SPIDR: variants seen among roughly 807,000 people sequenced by gnomAD.
SPIDR encodes DNA repair-scaffolding protein.
SPIDR carries 93 observed loss-of-function variants against 104.6 expected under a neutral mutation model. The observed-to-expected ratio is 0.89, with a 90% CI of 0.75 to 1.06. The LOEUF is 1.06. Ranked by LOEUF, SPIDR falls within the 50% of genes least tolerant of loss-of-function variation. The pLI is 0.00. For missense variants in SPIDR, 1,154 were observed against 1,111.2 expected, an observed-to-expected ratio of 1.04 and a Z score of -0.55; for synonymous variants, 431 against 416.9, an observed-to-expected ratio of 1.03 and a Z score of -0.41.
intron 8 of SPIDR, among the ~76,000 whole-genome samples, chr8:47,459,976 T>G (rs1365610422): frequency 1.3e-5 from 2 of 152,222 alleles, no homozygotes; most frequent in Non-Finnish European, 2.9e-5. Context: ...ATTTCCATTT[T>G]TATTCCACTG....
chr8:47,536,085 T>TAA (rs1052953214), intron 8 of SPIDR, among the ~76,000 whole-genome samples: 85 of 86,722 alleles, frequency 9.8e-4, no homozygotes, highest in African/African-American at 2.2e-3. Context: ...AGGTATAATC[T>TAA]AAAAATATAT....
chr8:47,534,070 C>G (rs1179672505), intron 8 of SPIDR, among the ~76,000 whole-genome samples: 12 of 152,160 alleles, frequency 7.9e-5, no homozygotes, highest in Admixed American at 7.9e-4. Context: ...CTCATGAGAT[C>G]TGATGGTTTT....
chr8:47,589,034 T>TG (rs2060653970), intron 8 of SPIDR, among the ~76,000 whole-genome samples: 2 of 149,714 alleles, frequency 1.3e-5, no homozygotes, highest in South Asian at 2.1e-4. Flanking sequence ...TTTTTTTTTT[T>TG]TTTTTTTTTG....
chr8:47,361,686 G>A (rs1554630111), intron 5 of SPIDR, among the ~76,000 whole-genome samples: 1 of 152,196 alleles, frequency 6.6e-6, no homozygotes, highest in Non-Finnish European at 1.5e-5. Context: ...GGATTCGCTG[G>A]TTTGAGAGTC....
intron 5 of SPIDR, among the ~76,000 whole-genome samples, chr8:47,323,343 G>A (rs2047111969): frequency 6.6e-6 from 1 of 152,192 alleles, no homozygotes; most frequent in South Asian, 2.1e-4. Context: ...TTATCTTAGA[G>A]AATCTGAAGT....
chr8:47,548,542 G>A lies in SPIDR; in HGVS notation c.1098-47269G>A, dbSNP rs568582209. Among the ~76,000 whole-genome samples, 230 of 152,308 alleles carry A rather than the reference G, an allele frequency of 1.5e-3. 1 individual carries two copies. The highest frequency in any genetic ancestry group is 5.2e-3 in the African/African-American group (215 of 41,576). On this transcript the variant is annotated intron_variant, in intron 8 of 19. Transcript: ENST00000297423. ...GGGTGCCTCTAATCCCAGCTACTCG[G>A]GAGGCTGAGGCAGGAGAATCACTTG... is the stretch of plus-strand genomic sequence containing the variant.
At chr8:47,572,286 T>C (rs898941125) in intron 8 of SPIDR, among the ~76,000 whole-genome samples, 2 of 152,198 alleles carry the variant, frequency 1.3e-5, no homozygotes, top group African/African-American at 4.8e-5. Context: ...AACATACATC[T>C]ATCTTTAACT....
intron 11 of SPIDR, among the ~76,000 whole-genome samples, chr8:47,674,499 A>AG (rs1450874423): frequency 1.3e-5 from 2 of 152,018 alleles, no homozygotes; most frequent in Admixed American, 6.6e-5. Flanking sequence ...TCTATGAATT[A>AG]GGGGGAAAAA....
intron 5 of SPIDR, among the ~76,000 whole-genome samples, chr8:47,335,703 G>A (rs140084640): frequency 8.5e-5 from 13 of 152,198 alleles, no homozygotes; most frequent in Non-Finnish European, 1.2e-4. Context: ...CACCCACGTC[G>A]GCCTCCCAAA....
chr8:47,427,608 T>C (rs2066624623), intron 7 of SPIDR, among the ~76,000 whole-genome samples: 1 of 152,214 alleles, frequency 6.6e-6, no homozygotes, highest in East Asian at 1.9e-4. Context: ...TGCACCCTCC[T>C]TGTTACCTGT....
Position 47,284,392 on chromosome 8 carries a change from T to TTTTG in SPIDR, c.256+326_256+329dup, listed in dbSNP as rs782640221. Among the ~76,000 whole-genome samples the TTTTG allele has an allele frequency of 7.2e-3, 1,101 of 152,012 alleles. 4 individuals are homozygous for TTTTG. Among genetic ancestry groups the TTTTG allele is most frequent in the East Asian group, 0.011 (59 of 5,164 alleles). On this transcript the variant is annotated intron_variant, in intron 3 of 19. Transcript: ENST00000297423. ...TTAGCTCATGCTCATAGCTCCAGGG[T>TTTTG]TTTGTTTGTTTGTTTGTTTGTTTGT...
At chr8:47,661,027 G>T in intron 10 of SPIDR, 3 of 941,272 alleles carry the variant, frequency 3.2e-6, no homozygotes, top group Non-Finnish European at 3.8e-6. Flanking sequence ...TAGTGTCCGT[G>T]TCCATTCGTG....
At chr8:47,706,645 C>A (rs1416573614) in intron 14 of SPIDR, among the ~76,000 whole-genome samples, 3 of 152,186 alleles carry the variant, frequency 2.0e-5, no homozygotes, top group Admixed American at 6.5e-5. Flanking sequence ...GCGCTGGCAA[C>A]CACTCACATG....
intron 14 of SPIDR, among the ~76,000 whole-genome samples, chr8:47,711,728 C>T (rs527958620): frequency 6.6e-6 from 1 of 152,190 alleles, no homozygotes; most frequent in South Asian, 2.1e-4. Context: ...AACTCTAGAT[C>T]ATTACCACAG....
intron 19 of SPIDR, 105 bp downstream of exon 19, chr8:47,729,570 C>A: frequency 7.6e-7 from 1 of 1,308,738 alleles, no homozygotes; most frequent in Non-Finnish European, 1.0e-6. Flanking sequence ...TATTACAACC[C>A]ATCCCACTAG....
intron 8 of SPIDR, among the ~76,000 whole-genome samples, chr8:47,496,769 T>C (rs2079526131): frequency 6.6e-6 from 1 of 151,684 alleles, no homozygotes; most frequent in Non-Finnish European, 1.5e-5. Flanking sequence ...AATTTCTCTT[T>C]AAACATTTGG....
chr8:47,406,634 A>G (rs1318367700), intron 6 of SPIDR, among the ~76,000 whole-genome samples: 1 of 152,224 alleles, frequency 6.6e-6, no homozygotes, highest in Non-Finnish European at 1.5e-5. Context: ...AATATTATGT[A>G]TTTATTAAAA....
Position 47,476,295 on chromosome 8 carries a change from C to G in SPIDR, c.1097+35753C>G, listed in dbSNP as rs782747079. Among the ~76,000 whole-genome samples the G allele has an allele frequency of 1.7e-4, 26 of 152,078 alleles. 1 individual carries two copies. Among genetic ancestry groups the G allele is most frequent in the Non-Finnish European group, 3.2e-4 (22 of 68,020 alleles). On this transcript the variant is annotated intron_variant, in intron 8 of 19. Transcript: ENST00000297423. ...GAGCACTGGCATTGGAGTGATGGCT[C>G]TTGAGTTTGTGATCGAGATTGGACA...
At chr8:47,370,608 G>T (rs2057879109) in intron 5 of SPIDR, among the ~76,000 whole-genome samples, 2 of 151,288 alleles carry the variant, frequency 1.3e-5, no homozygotes, top group Admixed American at 6.6e-5. Flanking sequence ...CATCATGTCT[G>T]GCTAATTTTT....
Sources: gnomAD v4.1 joint callset for allele counts (sites outside exome capture counted in the v4.1 genomes callset) on GRCh38, gnomAD v4.1.1 for gene constraint, MANE v1.5 for transcripts, NCBI Gene and HGNC (gene_info 2026-07-23, HGNC 2026-07-21) for gene names.